ANKRD30BL: variants seen among roughly 807,000 people sequenced by gnomAD.
ANKRD30BL encodes putative ankyrin repeat domain-containing protein 30B-like.
ANKRD30BL carries 20 observed loss-of-function variants against 18.4 expected under a neutral mutation model. That is an observed-to-expected ratio of 1.09 (90% CI 0.77 to 1.58). The LOEUF (loss-of-function observed/expected upper bound fraction) is 1.58, where lower values mean the gene tolerates loss of function less well. ANKRD30BL is among the 40% of genes most tolerant of loss of function. The probability of loss-of-function intolerance (pLI) is 0.00; values close to 1 mark genes in which losing one functional copy is unlikely to be tolerated. For missense variants in ANKRD30BL, 224 were observed against 268.6 expected (o/e 0.83, Z 1.16); for synonymous variants, 72 against 100.9 (o/e 0.71, Z 1.72).
intron 1 of ANKRD30BL, among the ~76,000 whole-genome samples, chr2:132,239,398 C>T (rs1362461443): frequency 6.6e-6 from 1 of 152,014 alleles, no homozygotes; most frequent in Non-Finnish European, 1.5e-5. Context: ...AGTTTTGAAA[C>T]ACTCTTTTTG....
At chr2:132,218,886 A>T (rs554361891) in intron 1 of ANKRD30BL, among the ~76,000 whole-genome samples, 3 of 152,116 alleles carry the variant, frequency 2.0e-5, no homozygotes, top group African/African-American at 7.2e-5. Context: ...CTTTCTTTTG[A>T]TAGAGCTGAT....
rs573730550 is a variant in ANKRD30BL, at chr2:132,229,708, G to C, written n.441+27821C>G. Among the ~76,000 whole-genome samples, 43 of 152,192 alleles carry C rather than the reference G, an allele frequency of 2.8e-4. No individual in the cohort carries two copies. The East Asian group carries it at 5.2e-3, about 19-fold the overall frequency. ...ACAGAGTTGAACCTTTCTTTTGATAGAGCGGGTTTGAAAAACTCATTTGGT... is the reference window on the plus strand; with the variant it reads ...ACAGAGTTGAACCTTTCTTTTGATACAGCGGGTTTGAAAAACTCATTTGGT... On this transcript the variant is annotated intron_variant and non_coding_transcript_variant, in intron 1 of 4. Transcript: ENST00000470729.
chr2:132,227,468 C>T (rs923583515), intron 1 of ANKRD30BL, among the ~76,000 whole-genome samples: 4 of 151,334 alleles, frequency 2.6e-5, no homozygotes, highest in East Asian at 1.9e-4. Context: ...ATCATAGAGT[C>T]GTTTTGAAAC....
intron 4 of ANKRD30BL, among the ~76,000 whole-genome samples, chr2:132,154,058 GACTT>G (rs547988330): frequency 6.6e-4 from 101 of 152,272 alleles, no homozygotes; most frequent in Non-Finnish European, 1.3e-3. Context: ...GCAATCTGAA[GACTT>G]AAAACAATAT....
At chr2:132,164,522 C>A (rs1469036276), upstream of ANKRD30BL, among the ~76,000 whole-genome samples, 1 of 151,800 alleles carries the variant, frequency 6.6e-6, no homozygotes, top group Non-Finnish European at 1.5e-5. Context: ...AACTCCCAGC[C>A]TCAGGTGATC....
chr2:132,187,392 G>T (rs113457948), intron 1 of ANKRD30BL, among the ~76,000 whole-genome samples: 30 of 151,872 alleles, frequency 2.0e-4, no homozygotes, highest in African/African-American at 6.8e-4. Context: ...ATGGGGTTTA[G>T]CCATGTTGGC....
intron 1 of ANKRD30BL, among the ~76,000 whole-genome samples, chr2:132,174,888 C>T (rs1688334693): frequency 6.6e-6 from 1 of 152,154 alleles, no homozygotes; most frequent in Non-Finnish European, 1.5e-5. Context: ...AAGGGCTACT[C>T]CTTTTAGTAA....
At chr2:132,158,260 TA>T (rs1199542282) in intron 1 of ANKRD30BL, among the ~76,000 whole-genome samples, 1 of 152,152 alleles carries the variant, frequency 6.6e-6, no homozygotes, top group Non-Finnish European at 1.5e-5. Context: ...TTAATATTTT[TA>T]AAACTTCAAG....
At chr2:132,252,455 C>T (rs72866793) in intron 1 of ANKRD30BL, among the ~76,000 whole-genome samples, 30 of 146,652 alleles carry the variant, frequency 2.0e-4, no homozygotes, top group African/African-American at 4.2e-4. Flanking sequence ...AAGCGAACCA[C>T]GGGACCATGG....
chr2:132,257,728 C>T (rs1326463367), exon 1 of ANKRD30BL: 1 of 153,636 alleles, frequency 6.5e-6, no homozygotes, highest in Non-Finnish European at 1.4e-5. Flanking sequence ...CGCAGAGGCG[C>T]TCAGGGACGC....
chr2:132,198,405 G>A (rs1184545339), intron 1 of ANKRD30BL, among the ~76,000 whole-genome samples: 1 of 142,146 alleles, frequency 7.0e-6, no homozygotes, highest in Admixed American at 7.3e-5. Flanking sequence ...CTCACTGCAA[G>A]CTCTGCCTCC....
intron 1 of ANKRD30BL, among the ~76,000 whole-genome samples, chr2:132,216,485 AT>A (rs1481593151): frequency 2.5e-4 from 38 of 152,050 alleles, no homozygotes; most frequent in African/African-American, 7.9e-4. Context: ...GCAAGTGGAC[AT>A]TTTGTTCGCT....
chr2:132,250,673 T>C (rs1680626006), intron 1 of ANKRD30BL, among the ~76,000 whole-genome samples: 1 of 152,244 alleles, frequency 6.6e-6, no homozygotes, highest in Non-Finnish European at 1.5e-5. Context: ...TTCATCAGGT[T>C]TGGAGCAGAA....
At chr2:132,153,538 T>C (rs751847972) in intron 4 of ANKRD30BL, 6 of 522,622 alleles carry the variant, frequency 1.1e-5, no homozygotes, top group Middle Eastern at 8.9e-4. Context: ...TCACCTAGCC[T>C]TTAAATGTAA....
intron 1 of ANKRD30BL, among the ~76,000 whole-genome samples, chr2:132,234,967 A>T (rs1253803378): frequency 6.6e-6 from 1 of 152,192 alleles, no homozygotes; most frequent in Non-Finnish European, 1.5e-5. Context: ...ATCCAGCAGA[A>T]CATCAAAAAG....
Position 132,222,832 on chromosome 2 carries a change from T to TAAAAAAAAAAAAAAA in ANKRD30BL, n.441+34682_441+34696dup, listed in dbSNP as rs71001178. 2.1e-4 allele frequency among the ~76,000 whole-genome samples: 11 copies of TAAAAAAAAAAAAAAA among 52,808 alleles called. 1 individual carries two copies. The highest frequency in any genetic ancestry group is 3.8e-4 in the Admixed American group (1 of 2,608). 34.6% of individuals were successfully genotyped at this position (52,808 alleles called of 152,430 possible). A position where few individuals can be genotyped will look rare whatever the true frequency, so the allele number is the denominator to read the frequency against. On this transcript the variant is annotated intron_variant and non_coding_transcript_variant, in intron 1 of 4. Coordinates refer to the ANKRD30BL transcript ENST00000470729. ...GTGAGAAACAGCCAAGAATGATCAA[T>TAAAAAAAAAAAAAAA]AAAAAAAAAAAAAAAAAAAAAAAAA...
At chr2:132,165,436 G>GT (rs1320310343), upstream of ANKRD30BL, among the ~76,000 whole-genome samples, 1 of 151,846 alleles carries the variant, frequency 6.6e-6, no homozygotes, top group Non-Finnish European at 1.5e-5. Flanking sequence ...GCTCACACCT[G>GT]TAATCCTAGC....
At chr2:132,172,615 T>C (rs6742044) in intron 1 of ANKRD30BL, among the ~76,000 whole-genome samples, 30,095 of 152,128 alleles carry the variant, frequency 0.2, 3,561 homozygotes, top group African/African-American at 0.33. Context: ...TATTCTATTA[T>C]ACATATTATA....
At chr2:132,171,244 T>C (rs1238721866) in intron 1 of ANKRD30BL, among the ~76,000 whole-genome samples, 2 of 151,982 alleles carry the variant, frequency 1.3e-5, no homozygotes, top group Non-Finnish European at 2.9e-5. Flanking sequence ...AGAGGACATA[T>C]TTGTGATAGG....
Sources: gnomAD v4.1 joint callset for allele counts (sites outside exome capture counted in the v4.1 genomes callset) on GRCh38, gnomAD v4.1.1 for gene constraint, MANE v1.5 for transcripts, NCBI Gene and HGNC (gene_info 2026-07-23, HGNC 2026-07-21) for gene names.